The following MYO1E variants were observed in gnomAD, a reference collection of about 807,000 sequenced individuals.
The protein encoded by MYO1E is unconventional myosin-Ie.
MYO1E carries 68 observed loss-of-function variants against 151.1 expected under a neutral mutation model. That is an observed-to-expected ratio of 0.45 (90% CI 0.37 to 0.55). The LOEUF (loss-of-function observed/expected upper bound fraction) is 0.55. Ranked by LOEUF, MYO1E falls within the 20% of genes least tolerant of loss-of-function variation. The pLI, the probability that MYO1E is intolerant of heterozygous loss-of-function variation, is 0.00. For missense variants in MYO1E, 1,363 were observed against 1,389.3 expected, an observed-to-expected ratio of 0.98 and a Z score of 0.30; for synonymous variants, 601 against 501.7, an observed-to-expected ratio of 1.20 and a Z score of -2.64.
chr15:59,179,207 C>G (rs1273772884), intron 18 of MYO1E, among the ~76,000 whole-genome samples: 5 of 152,190 alleles, frequency 3.3e-5, no homozygotes, highest in African/African-American at 1.2e-4. Context: ...CTGGCTCCCG[C>G]TTGGGTGTCT....
At chr15:59,199,197 A>T (rs1289135488) in intron 16 of MYO1E, among the ~76,000 whole-genome samples, 1 of 152,088 alleles carries the variant, frequency 6.6e-6, no homozygotes, top group African/African-American at 2.4e-5. Flanking sequence ...CCTGGGCTCA[A>T]CCAATTCTCC....
At chr15:59,209,083 T>A in intron 13 of MYO1E, 1 of 587,156 alleles carries the variant, frequency 1.7e-6, no homozygotes, top group Non-Finnish European at 3.0e-6. Flanking sequence ...CCCTGAAGTT[T>A]TATCCAAGAG....
intron 6 of MYO1E, 83 bp downstream of exon 6, chr15:59,231,619 T>A: frequency 7.0e-7 from 1 of 1,420,798 alleles, no homozygotes. Context: ...AAGGCTCCCA[T>A]TTCCTGTGGG....
rs769883232 is a variant in MYO1E, at chr15:59,214,267, C to A, written c.1236G>T (p.Leu412=). The part of the protein sequence containing the change: ...QFCINFVNEK[L]QQIFIELTLK... Reference sequence around the variant, plus strand: ...ATGTCAGTTCAATAAAAATCTGCTGCAGTTTTTCATTAACAAAATTGATAC... The same window carrying A: ...ATGTCAGTTCAATAAAAATCTGCTGAAGTTTTTCATTAACAAAATTGATAC... Residue 412 remains leucine, a synonymous_variant, in exon 12 of 28, where the codon CTG becomes CTT. Coordinates refer to ENST00000288235, the MANE Select transcript of MYO1E (RefSeq NM_004998.4). The A allele has an allele frequency of 6.2e-7, 1 of 1,613,298 alleles. No individual in the cohort carries two copies. Among genetic ancestry groups the A allele is most frequent in the Non-Finnish European group, 8.5e-7 (1 of 1,179,778 alleles).
chr15:59,153,731 C>T lies in MYO1E; in HGVS notation c.2939G>A (p.Ser980Asn). ...QYVPYPHAPG[S>N]QRSNQKSLYT... ...CAGGCTTTTCTGATTGGACCTCTGG[C>T]TTCCAGGAGCATGGGGATATGGCAC... The change falls in exon 26 of 28, where the codon AGC (serine) becomes AAC (asparagine). Residue 980 changes from serine to asparagine, a missense_variant. Coordinates refer to ENST00000288235, the MANE Select transcript of MYO1E (RefSeq NM_004998.4). 1 of 1,614,132 alleles carries T rather than the reference C, an allele frequency of 6.2e-7. No homozygotes were observed. The highest frequency in any genetic ancestry group is 8.5e-7 in the Non-Finnish European group (1 of 1,179,990).
At position 59,209,075 on chromosome 15, in the gene MYO1E, C is replaced by G. The variant is rs181864343; in HGVS notation, c.1363-227G>C. ...ACTTTCCAAAAAGCTGTTTAACTCC[C>G]TGAAGTTTTATCCAAGAGTCATGCA... On this transcript the variant is annotated intron_variant, in intron 13 of 27. Coordinates refer to ENST00000288235, the MANE Select transcript of MYO1E (RefSeq NM_004998.4). 185 of 597,642 alleles carry G rather than the reference C, an allele frequency of 3.1e-4. 1 individual carries two copies. The highest frequency in any genetic ancestry group is 4.6e-4 in the Non-Finnish European group (157 of 338,016). The allele number at this position is 597,642 out of a possible 1,614,324, so 37.0% of individuals were successfully genotyped here.
rs973815098 is a variant in MYO1E at position 59,161,309 on chromosome 15, T to G, written c.2628-79A>C. On this transcript the variant is annotated intron_variant, in intron 23 of 27. Transcript: ENST00000288235. Reference sequence around the variant, plus strand: ...GCTCAGAGATCCCGCCACGGAGTTCTGCTGCTGGAAAAGCATAAACATGAG... The same window carrying G: ...GCTCAGAGATCCCGCCACGGAGTTCGGCTGCTGGAAAAGCATAAACATGAG... The G allele has an allele frequency of 4.0e-6, 6 of 1,494,932 alleles. No homozygotes were observed. In the African/African-American group the frequency reaches 8.3e-5, roughly 21 times the overall value. The allele number at this position is 1,494,932 out of a possible 1,614,324, so 92.6% of individuals were successfully genotyped here. A position where few individuals can be genotyped will look rare whatever the true frequency, so the allele number is the denominator to read the frequency against.
At chr15:59,290,513 T>C (rs1050341789) in intron 1 of MYO1E, among the ~76,000 whole-genome samples, 1 of 152,184 alleles carries the variant, frequency 6.6e-6, no homozygotes, top group Non-Finnish European at 1.5e-5. Flanking sequence ...CCTTGTCTCC[T>C]TGAAAGCATG....
At chr15:59,183,084 C>A (rs895015841) in intron 18 of MYO1E, among the ~76,000 whole-genome samples, 1 of 152,198 alleles carries the variant, frequency 6.6e-6, no homozygotes, top group Non-Finnish European at 1.5e-5. Flanking sequence ...TGCTCACCTC[C>A]TACTGTAAGG....
chr15:59,268,720 A>ATTTTTTTGTTTTTTTTTTT (rs2080271497), intron 2 of MYO1E, among the ~76,000 whole-genome samples: 2 of 44,906 alleles, frequency 4.5e-5, no homozygotes, highest in Non-Finnish European at 9.8e-5. Flanking sequence ...TGACTTTGGT[A>ATTTTTTTGTTTTTTTTTTT]TTTTTTTTTT....
intron 1 of MYO1E, among the ~76,000 whole-genome samples, chr15:59,351,038 A>T (rs1254762699): frequency 6.6e-6 from 1 of 152,168 alleles, no homozygotes; most frequent in African/African-American, 2.4e-5. Flanking sequence ...CTGGGACTAC[A>T]GGCGTCCACC....
At chr15:59,206,906 T>C (rs1214427325) in intron 14 of MYO1E, 2 of 1,586,200 alleles carry the variant, frequency 1.3e-6, no homozygotes, top group African/African-American at 1.3e-5. Context: ...GCAGCTTTTT[T>C]CCATTCTCTC....
chr15:59,370,431 A>T (rs1281808494), intron 1 of MYO1E, among the ~76,000 whole-genome samples: 1 of 152,252 alleles, frequency 6.6e-6, no homozygotes, highest in Non-Finnish European at 1.5e-5. Context: ...AGATCTATCA[A>T]TGGCACATCT....
At chr15:59,247,730 G>T (rs1431520162) in intron 4 of MYO1E, among the ~76,000 whole-genome samples, 3 of 152,174 alleles carry the variant, frequency 2.0e-5, no homozygotes, top group African/African-American at 7.2e-5. Context: ...CAAATCAGTT[G>T]AAACAGAATC....
chr15:59,328,105 G>T (rs1218371557), intron 1 of MYO1E, among the ~76,000 whole-genome samples: 1 of 152,248 alleles, frequency 6.6e-6, no homozygotes, highest in Non-Finnish European at 1.5e-5. Flanking sequence ...CCTCTCAAAG[G>T]AGATGGGGCT....
intron 1 of MYO1E, among the ~76,000 whole-genome samples, chr15:59,295,793 C>T (rs994882258): frequency 2.6e-5 from 4 of 152,034 alleles, no homozygotes; most frequent in African/African-American, 7.2e-5. Flanking sequence ...GTGGAAGAGA[C>T]GGGGAAGGAC....
At chr15:59,347,796 C>T (rs1256471013) in intron 1 of MYO1E, among the ~76,000 whole-genome samples, 1 of 151,984 alleles carries the variant, frequency 6.6e-6, no homozygotes, top group East Asian at 1.9e-4. Flanking sequence ...AAATTATACC[C>T]CTCACACCAG....
intron 1 of MYO1E, among the ~76,000 whole-genome samples, chr15:59,314,426 C>G (rs1401576962): frequency 2.0e-5 from 3 of 152,190 alleles, no homozygotes; most frequent in Non-Finnish European, 4.4e-5. Flanking sequence ...GTGAGGGATA[C>G]CTATTGAGTT....
intron 1 of MYO1E, among the ~76,000 whole-genome samples, chr15:59,356,610 T>C (rs1051735349): frequency 3.3e-5 from 5 of 152,224 alleles, no homozygotes; most frequent in Non-Finnish European, 7.3e-5. Flanking sequence ...TTTTTTGTTG[T>C]TGTTTTTCCT....
Sources: allele counts gnomAD v4.1 joint callset (sites outside exome capture counted in the v4.1 genomes callset), GRCh38; gene constraint gnomAD v4.1.1; transcripts MANE v1.5; gene names NCBI Gene and HGNC (gene_info 2026-07-23, HGNC 2026-07-21).